The following BCAS3 variants were observed in gnomAD, a reference collection of about 807,000 sequenced individuals.
BCAS3 encodes BCAS4/BCAS3 fusion.
A neutral mutation model predicts 116.1 loss-of-function variants in BCAS3; 53 were observed. The ratio of observed to expected loss-of-function variants is 0.46; its 90% CI spans 0.37 to 0.57. The LOEUF is 0.57. Ranked by LOEUF, BCAS3 falls within the 20% of genes least tolerant of loss-of-function variation. The pLI, the probability that BCAS3 is intolerant of heterozygous loss-of-function variation, is 0.00. For missense variants in BCAS3, 917 were observed against 1,165.4 expected (o/e 0.79, Z 3.10); for synonymous variants, 391 against 408.2 (o/e 0.96, Z 0.51).
intron 10 of BCAS3, 37 bp downstream of exon 10, chr17:60,889,808 A>T (rs767683353): frequency 1.3e-6 from 2 of 1,550,786 alleles, no homozygotes; most frequent in Non-Finnish European, 1.8e-6. Context: ...TTTGTAATGG[A>T]GCAAGTGTTG....
chr17:61,264,554 T>A (rs926433199), intron 22 of BCAS3, among the ~76,000 whole-genome samples: 12 of 152,178 alleles, frequency 7.9e-5, no homozygotes, highest in African/African-American at 2.6e-4. Context: ...ATTACAGGGA[T>A]GTGCCACCGC....
intron 10 of BCAS3, among the ~76,000 whole-genome samples, chr17:60,893,015 G>A (rs2057279452): frequency 6.6e-6 from 1 of 152,082 alleles, no homozygotes. Flanking sequence ...TATTAGTGAT[G>A]TTGAACATTT....
At chr17:60,718,019 G>A (rs2066636265) in intron 5 of BCAS3, among the ~76,000 whole-genome samples, 3 of 152,144 alleles carry the variant, frequency 2.0e-5, no homozygotes, top group South Asian at 2.1e-4. Flanking sequence ...CTTCACATGC[G>A]CGGTTCACGT....
chr17:61,232,485 C>G (rs918256953), intron 22 of BCAS3, among the ~76,000 whole-genome samples: 1 of 152,028 alleles, frequency 6.6e-6, no homozygotes, highest in Non-Finnish European at 1.5e-5. Context: ...GAAACAGAGT[C>G]CCAGGTAGGA....
Position 61,181,269 on chromosome 17 carries a change from CCTAAGCCCATGCTTACATG to C in BCAS3, c.2425+96711_2425+96729del, listed in dbSNP as rs2079466230. Among the ~76,000 whole-genome samples the C allele has an allele frequency of 1.3e-5, 2 of 152,118 alleles. No individual in the cohort carries two copies. The highest frequency in any genetic ancestry group is 2.4e-5 in the African/African-American group (1 of 41,418). ...GAGGAACAAGATGATTCGTTCCTTG[CCTAAGCCCATGCTTACATG>C]CTAAGGCCTGAAACTGTGAAGACCT... On this transcript the variant is annotated intron_variant, in intron 22 of 23. Transcript: ENST00000407086. This position sits in a 1 kb window ranked among gnomAD's most constrained non-coding sequence, Gnocchi z 5.0.
intron 13 of BCAS3, among the ~76,000 whole-genome samples, chr17:60,932,626 C>G (rs1018797517): frequency 4.0e-5 from 6 of 150,856 alleles, no homozygotes; most frequent in Admixed American, 2.0e-4. Context: ...CCTGTAGTCT[C>G]AGCTGCTTGG....
intron 22 of BCAS3, among the ~76,000 whole-genome samples, chr17:61,264,214 G>A (rs1266385226): frequency 3.3e-5 from 5 of 151,822 alleles, no homozygotes; most frequent in African/African-American, 1.2e-4. Flanking sequence ...CATTATTATT[G>A]TTATTTCTAG....
intron 22 of BCAS3, among the ~76,000 whole-genome samples, chr17:61,231,902 G>A (rs1233025445): frequency 6.7e-6 from 1 of 149,562 alleles, no homozygotes; most frequent in Non-Finnish European, 1.5e-5. Context: ...GAGAAAGAAG[G>A]AAACAAAGAA....
At chr17:60,811,087 A>G in intron 7 of BCAS3, 2 of 631,156 alleles carry the variant, frequency 3.2e-6, no homozygotes, top group South Asian at 3.0e-5. Flanking sequence ...GTTCTTGGAT[A>G]TTGACCTGGA....
In BCAS3 at chr17:61,132,810, G is replaced by T. The variant is rs1021365094; in HGVS notation, c.2425+48246G>T. 2.6e-5 allele frequency among the ~76,000 whole-genome samples: 4 copies of T among 152,114 alleles called. No individual in the cohort carries two copies. Among genetic ancestry groups the T allele is most frequent in the Non-Finnish European group, 4.4e-5 (3 of 68,020 alleles). Reference sequence around the variant, plus strand: ...GTCAATGAGAAGAAGCTCCTTACCAGGTCTGTGTGGGTCACGGGGCAAGAT... The same window carrying T: ...GTCAATGAGAAGAAGCTCCTTACCATGTCTGTGTGGGTCACGGGGCAAGAT... On this transcript the variant is annotated intron_variant, in intron 22 of 23. Transcript: ENST00000407086. The surrounding 1 kb of genome is among the most constrained non-coding windows in gnomAD (Gnocchi z 5.1).
intron 22 of BCAS3, among the ~76,000 whole-genome samples, chr17:61,166,387 CTCTCTTTTTTTTTTTTT>C (rs1251896118): frequency 1.3e-5 from 1 of 77,072 alleles, no homozygotes; most frequent in African/African-American, 4.2e-5. Context: ...CTCTCTCTCT[CTCTCTTTTTTTTTTTTT>C]TTTTTTTTTT....
chr17:61,027,351 G>T, intron 16 of BCAS3: 1 of 450,114 alleles, frequency 2.2e-6, no homozygotes, highest in Non-Finnish European at 4.4e-6. Context: ...CATTTTATTT[G>T]GTCCTAAAGA....
chr17:60,763,825 C>G (rs1346835679), intron 6 of BCAS3, among the ~76,000 whole-genome samples: 1 of 152,148 alleles, frequency 6.6e-6, no homozygotes, highest in Non-Finnish European at 1.5e-5. Context: ...CCATCTGGTC[C>G]TGGACTTTTT....
chr17:60,973,010 G>T lies in BCAS3; in HGVS notation c.1222-16961G>T, dbSNP rs146260652. ...TTTTCTTTCTTTTCCAGTAGGGTTA[G>T]AAAGGGCGTTGTTATTGGAATCATT... On this transcript the variant is annotated intron_variant, in intron 14 of 23. Coordinates refer to ENST00000407086, the MANE Select transcript of BCAS3 (RefSeq NM_017679.5). 2.2e-4 allele frequency among the ~76,000 whole-genome samples: 34 copies of T among 152,242 alleles called. No homozygotes were observed. In the East Asian group the frequency reaches 5.4e-3, roughly 24 times the overall value.
At position 61,046,361 on chromosome 17, in the gene BCAS3, A is replaced by C. The variant is rs150271992; in HGVS notation, c.2029+5469A>C. On this transcript the variant is annotated intron_variant, in intron 19 of 23. Coordinates refer to ENST00000407086, the MANE Select transcript of BCAS3 (RefSeq NM_017679.5). ...ACCTATTTCCCAACTTGAAGACTTT[A>C]ATAAATATTATTCTCAAAGAATTTT... 1.7e-4 allele frequency among the ~76,000 whole-genome samples: 26 copies of C among 150,932 alleles called. 1 individual carries two copies. The highest frequency in any genetic ancestry group is 3.4e-3 in the Middle Eastern group (1 of 294).
intron 13 of BCAS3, among the ~76,000 whole-genome samples, chr17:60,935,868 T>A (rs564614469): frequency 6.6e-6 from 1 of 152,266 alleles, no homozygotes; most frequent in East Asian, 1.9e-4. Context: ...ACCTTTTTTT[T>A]TTTTATACTT....
rs767922023 is a variant in BCAS3 at position 61,065,884 on chromosome 17, C to T, written c.2030-9036C>T. 1.3e-5 allele frequency among the ~76,000 whole-genome samples: 2 copies of T among 152,150 alleles called. No individual in the cohort carries two copies. The highest frequency in any genetic ancestry group is 2.9e-5 in the Non-Finnish European group (2 of 68,030). The stretch of plus-strand genomic sequence containing the variant: ...TGTGAGTTTTAAATTTATAATTAAA[C>T]TTACAAATGCATTTAATCTTCATTT... On this transcript the variant is annotated intron_variant, in intron 19 of 23. Coordinates refer to ENST00000407086, the MANE Select transcript of BCAS3 (RefSeq NM_017679.5). The surrounding 1 kb of genome is among the most constrained non-coding windows in gnomAD (Gnocchi z 4.8).
chr17:60,991,656 A>C (rs1315727330), intron 15 of BCAS3, among the ~76,000 whole-genome samples: 2 of 152,176 alleles, frequency 1.3e-5, no homozygotes, highest in Non-Finnish European at 2.9e-5. Context: ...CACATAACGT[A>C]ATATTCACCA....
At chr17:61,386,796 GTTTTT>G (rs57275173) in intron 23 of BCAS3, among the ~76,000 whole-genome samples, 2 of 113,842 alleles carry the variant, frequency 1.8e-5, no homozygotes. Flanking sequence ...TTTGTTTTTT[GTTTTT>G]TTTTTTTTTT....
Sources: allele counts gnomAD v4.1 joint callset (sites outside exome capture counted in the v4.1 genomes callset), GRCh38; gene constraint gnomAD v4.1.1; non-coding constraint Gnocchi (gnomAD v3.1); transcripts MANE v1.5; gene names NCBI Gene and HGNC (gene_info 2026-07-23, HGNC 2026-07-21).